The following CCNJL variants were observed in gnomAD, a reference collection of about 807,000 sequenced individuals.
The protein encoded by CCNJL is cyclin-J-like protein.
CCNJL carries 33 observed loss-of-function variants against 33.4 expected under a neutral mutation model. The ratio of observed to expected loss-of-function variants is 0.99; its 90% confidence interval spans 0.75 to 1.32. CCNJL has a LOEUF of 1.32. Ranked by LOEUF, CCNJL falls within the 40% of genes most tolerant of loss-of-function variation. The pLI is 0.00. For missense variants in CCNJL, 512 were observed against 499.7 expected, an observed-to-expected ratio of 1.02 and a Z score of -0.23; for synonymous variants, 227 against 220.9, an observed-to-expected ratio of 1.03 and a Z score of -0.24.
intron 3 of CCNJL, among the ~76,000 whole-genome samples, chr5:160,271,728 T>C (rs555264082): frequency 2.0e-5 from 3 of 152,374 alleles, no homozygotes; most frequent in South Asian, 2.1e-4. Flanking sequence ...ATTGATGTCA[T>C]GGCAGTGTTT....
intron 2 of CCNJL, among the ~76,000 whole-genome samples, chr5:160,290,818 G>A (rs1331979931): frequency 2.6e-5 from 4 of 151,834 alleles, no homozygotes; most frequent in Admixed American, 2.6e-4. Flanking sequence ...AAACAGGTGA[G>A]AAAAAACATT....
intron 1 of CCNJL, 60 bp from the exon 2 acceptor site, chr5:160,312,032 T>G: frequency 9.3e-7 from 1 of 1,072,326 alleles, no homozygotes; most frequent in Non-Finnish European, 1.4e-6. Flanking sequence ...ACCCCCGGTG[T>G]CCCTATCCTC....
chr5:160,304,215 T>A (rs1285228107), intron 2 of CCNJL, among the ~76,000 whole-genome samples: 3 of 152,234 alleles, frequency 2.0e-5, no homozygotes, highest in African/African-American at 7.2e-5. Flanking sequence ...CCTAAAAGAC[T>A]CAAGTGACAA....
At chr5:160,325,410 A>G (rs967504574) in intron 1 of CCNJL, among the ~76,000 whole-genome samples, 1 of 152,070 alleles carries the variant, frequency 6.6e-6, no homozygotes, top group African/African-American at 2.4e-5. Context: ...CAAAATGAAT[A>G]TTTCTGGTTC....
At chr5:160,306,143 C>G (rs751259915) in intron 2 of CCNJL, among the ~76,000 whole-genome samples, 1 of 151,796 alleles carries the variant, frequency 6.6e-6, no homozygotes, top group East Asian at 1.9e-4. Context: ...GTGTGGTGTG[C>G]GCCTGTAATC....
At chr5:160,280,845 C>T in intron 2 of CCNJL, 107 bp from the exon 3 acceptor site, 1 of 776,694 alleles carries the variant, frequency 1.3e-6, no homozygotes, top group Non-Finnish European at 2.2e-6. Context: ...CAACGATTCC[C>T]TCCATACCCT....
chr5:160,264,611 A>C (rs1195386349), intron 3 of CCNJL, among the ~76,000 whole-genome samples: 1 of 151,990 alleles, frequency 6.6e-6, no homozygotes, highest in Non-Finnish European at 1.5e-5. Flanking sequence ...TTCACTGTAC[A>C]GTTCAGTGAC....
chr5:160,289,153 C>T (rs1762504678), intron 2 of CCNJL, among the ~76,000 whole-genome samples: 1 of 152,148 alleles, frequency 6.6e-6, no homozygotes, highest in Admixed American at 6.5e-5. Context: ...GACCTCCCTC[C>T]TACCCAGCAG....
At chr5:160,318,129 G>A (rs529862221) in intron 1 of CCNJL, among the ~76,000 whole-genome samples, 1 of 151,632 alleles carries the variant, frequency 6.6e-6, no homozygotes, top group African/African-American at 2.4e-5. Flanking sequence ...CAATTCTCCT[G>A]CCTCAGCCTC....
chr5:160,310,616 G>A (rs904821708), intron 2 of CCNJL, among the ~76,000 whole-genome samples: 3 of 152,118 alleles, frequency 2.0e-5, no homozygotes, highest in African/African-American at 7.2e-5. Flanking sequence ...CCCCCCAAAT[G>A]TCATGTTAAT....
In CCNJL at chr5:160,253,371, A is replaced by G; in HGVS notation, c.*7T>C. ...TCCAAGGCTTCCTCGTGAGGTCTGG[A>G]GGTGGCCTATCTGTCAAAGCAGCCG... On this transcript the variant is annotated 3_prime_UTR_variant, in exon 6 of 6. Coordinates refer to ENST00000257536, the MANE Select transcript of CCNJL (RefSeq NM_001308173.3). 6.4e-7 allele frequency: 1 copy of G among 1,566,358 alleles called. No homozygotes were observed. The highest frequency in any genetic ancestry group is 8.7e-7 in the Non-Finnish European group (1 of 1,152,670).
At chr5:160,328,296 T>G (rs2113479348) in intron 1 of CCNJL, among the ~76,000 whole-genome samples, 1 of 152,292 alleles carries the variant, frequency 6.6e-6, no homozygotes, top group Non-Finnish European at 1.5e-5. Context: ...TTTCAAAATG[T>G]CACCCTGGCT....
At chr5:160,295,213 G>A (rs201489530) in intron 2 of CCNJL, among the ~76,000 whole-genome samples, 13 of 152,298 alleles carry the variant, frequency 8.5e-5, no homozygotes, top group East Asian at 1.9e-4. Flanking sequence ...ATAGTCAGCC[G>A]GGCACAGTGG....
At chr5:160,278,385 T>C (rs2113341425) in intron 3 of CCNJL, among the ~76,000 whole-genome samples, 1 of 152,174 alleles carries the variant, frequency 6.6e-6, no homozygotes, top group South Asian at 2.1e-4. Flanking sequence ...CTCAGAATAA[T>C]TTGGTACCAA....
intron 1 of CCNJL, among the ~76,000 whole-genome samples, chr5:160,330,801 T>C (rs546707997): frequency 2.0e-4 from 31 of 151,914 alleles, no homozygotes; most frequent in African/African-American, 7.2e-4. Flanking sequence ...GTAGCTGGGA[T>C]TACAGGCATG....
chr5:160,293,956 T>C (rs765173711), intron 2 of CCNJL, among the ~76,000 whole-genome samples: 2 of 151,800 alleles, frequency 1.3e-5, no homozygotes, highest in African/African-American at 4.8e-5. Context: ...CTCCCTACCA[T>C]GCCTATCCCT....
In CCNJL at chr5:160,295,466, C is replaced by T. The variant is rs2081037; in HGVS notation, c.67-14728G>A. On this transcript the variant is annotated intron_variant, in intron 2 of 5. Transcript: ENST00000257536. ...TCGCGCCACTGCACTCCAGCCTGGG[C>T]GACAGAGCGAGACTCTGTCTCAAAT... Among the ~76,000 whole-genome samples, 193 of 152,102 alleles carry T rather than the reference C, an allele frequency of 1.3e-3. 2 individuals are homozygous for T. Among genetic ancestry groups the T allele is most frequent in the African/African-American group, 4.4e-3 (183 of 41,494 alleles).
In CCNJL at chr5:160,299,311, G is replaced by A. The variant is rs1050524491; in HGVS notation, c.66+12547C>T. 4.6e-5 allele frequency among the ~76,000 whole-genome samples: 7 copies of A among 151,932 alleles called. No individual in the cohort carries two copies. The East Asian group carries it at 5.8e-4, about 13-fold the overall frequency. ...ATTACACGTGCCTGCCAACAGGCCCGGCTAATTTTTTTGTATTTTTAGTAG... is the reference window on the plus strand; with the variant it reads ...ATTACACGTGCCTGCCAACAGGCCCAGCTAATTTTTTTGTATTTTTAGTAG... On this transcript the variant is annotated intron_variant, in intron 2 of 5. Coordinates refer to ENST00000257536, the MANE Select transcript of CCNJL (RefSeq NM_001308173.3).
upstream of CCNJL, chr5:160,312,934 CT>C (rs34566842): frequency 0.3 from 43,761 of 144,784 alleles, 6,675 homozygotes; most frequent in Non-Finnish European, 0.34. Flanking sequence ...TTCTCTCTCT[CT>C]TTTTTTTTTT....
Sources: allele counts gnomAD v4.1 joint callset (sites outside exome capture counted in the v4.1 genomes callset), GRCh38; gene constraint gnomAD v4.1.1; transcripts MANE v1.5; gene names NCBI Gene and HGNC (gene_info 2026-07-23, HGNC 2026-07-21).